GRM8: variants seen among roughly 807,000 people sequenced by gnomAD.
The protein encoded by GRM8 is glutamate metabotropic receptor 8, also known as metabotropic glutamate receptor 8.
A neutral mutation model predicts 87.2 loss-of-function variants in GRM8; 47 were observed. That is an observed-to-expected ratio of 0.54 (90% CI 0.43 to 0.69). GRM8 has a LOEUF of 0.69. GRM8 is among the 30% of genes least tolerant of loss of function. The pLI is 0.00. For synonymous variants in GRM8, 396 were observed against 404.5 expected (o/e 0.98, Z 0.25); for missense variants, 1,019 against 1,139.2 (o/e 0.89, Z 1.52).
intron 3 of GRM8, among the ~76,000 whole-genome samples, chr7:127,077,007 C>T (rs1563482597): frequency 6.6e-6 from 1 of 152,280 alleles, no homozygotes; most frequent in East Asian, 1.9e-4. Context: ...TCCAATCCTT[C>T]GACCACTACC....
At chr7:127,161,004 GGTTAT>G (rs1278315668) in intron 2 of GRM8, among the ~76,000 whole-genome samples, 1 of 152,162 alleles carries the variant, frequency 6.6e-6, no homozygotes, top group African/African-American at 2.4e-5. Context: ...CAAGGACGAT[GGTTAT>G]TTCTGGATGA....
chr7:126,539,562 C>A (rs1189515882), intron 8 of GRM8, among the ~76,000 whole-genome samples: 1 of 151,920 alleles, frequency 6.6e-6, no homozygotes, highest in Non-Finnish European at 1.5e-5. Flanking sequence ...ATGTCATAAT[C>A]AAGACAACAT....
chr7:126,557,752 T>C (rs1432123845), intron 8 of GRM8, among the ~76,000 whole-genome samples: 1 of 152,176 alleles, frequency 6.6e-6, no homozygotes, highest in Non-Finnish European at 1.5e-5. Context: ...AATAGAAATA[T>C]GGCAACATAT....
intron 2 of GRM8, among the ~76,000 whole-genome samples, chr7:127,163,280 T>C (rs1793231841): frequency 6.6e-6 from 1 of 152,158 alleles, no homozygotes; most frequent in Non-Finnish European, 1.5e-5. Flanking sequence ...TGGCTTCTTG[T>C]TGAGTTTAAT....
intron 9 of GRM8, among the ~76,000 whole-genome samples, chr7:126,472,508 C>G (rs1173625774): frequency 2.1e-4 from 32 of 152,162 alleles, no homozygotes; most frequent in Non-Finnish European, 8.8e-5. Flanking sequence ...CATTCATTCA[C>G]AAAGATATGG....
intron 8 of GRM8, among the ~76,000 whole-genome samples, chr7:126,586,845 T>C (rs1796183758): frequency 6.6e-6 from 1 of 151,958 alleles, no homozygotes; most frequent in Non-Finnish European, 1.5e-5. Flanking sequence ...CTAATTAAAC[T>C]AAAGGGCTTC....
Position 127,063,124 on chromosome 7 carries a change from G to A in GRM8, c.727+43372C>T, listed in dbSNP as rs185063927. ...AAAAATTAGCCAGACATGGTGGCAGGCACCTGTAGTCCTGGCTACTCAGGA... is the reference window on the plus strand; with the variant it reads ...AAAAATTAGCCAGACATGGTGGCAGACACCTGTAGTCCTGGCTACTCAGGA... On this transcript the variant is annotated intron_variant, in intron 3 of 10. Transcript: ENST00000339582. Among the ~76,000 whole-genome samples the A allele has an allele frequency of 3.0e-4, 45 of 152,182 alleles. No individual in the cohort carries two copies. The South Asian group carries it at 3.7e-3, about 13-fold the overall frequency.
chr7:126,782,924 A>G (rs954395103), intron 6 of GRM8, among the ~76,000 whole-genome samples: 3 of 152,172 alleles, frequency 2.0e-5, no homozygotes. Context: ...GCAGGTCGCA[A>G]TCTGTCTGGG....
At position 126,843,313 on chromosome 7, in the gene GRM8, G is replaced by GA. The variant is rs202058919; in HGVS notation, c.1156+59228dup. On this transcript the variant is annotated intron_variant, in intron 6 of 10. Coordinates refer to ENST00000339582, the MANE Select transcript of GRM8 (RefSeq NM_000845.3). Reference sequence around the variant, plus strand: ...ATAAACTAAAGGGGACTATAAAGTAGAAAAAAAAACTCATTATCACATATG... The same window carrying GA: ...ATAAACTAAAGGGGACTATAAAGTAGAAAAAAAAAACTCATTATCACATATG... Among the ~76,000 whole-genome samples, 614 of 150,372 alleles carry GA rather than the reference G, an allele frequency of 4.1e-3. 5 individuals are homozygous for GA. Among genetic ancestry groups the GA allele is most frequent in the African/African-American group, 0.013 (544 of 40,998 alleles).
chr7:127,178,117 G>C (rs1392197814), intron 2 of GRM8, among the ~76,000 whole-genome samples: 1 of 151,944 alleles, frequency 6.6e-6, no homozygotes, highest in Non-Finnish European at 1.5e-5. Context: ...AAGAACTGAA[G>C]GGAAAATTAT....
chr7:126,450,297 A>C (rs1468474209), intron 9 of GRM8, among the ~76,000 whole-genome samples: 2 of 151,862 alleles, frequency 1.3e-5, no homozygotes, highest in African/African-American at 4.8e-5. Context: ...TTAGTAACTA[A>C]GGTAAACTAT....
intron 6 of GRM8, among the ~76,000 whole-genome samples, chr7:126,874,073 AT>A (rs1195659106): frequency 7.2e-5 from 11 of 151,974 alleles, no homozygotes; most frequent in Non-Finnish European, 1.2e-4. Flanking sequence ...TTTAAATATC[AT>A]TTGTGTTGTC....
intron 8 of GRM8, among the ~76,000 whole-genome samples, chr7:126,582,988 C>A (rs941234419): frequency 2.0e-5 from 3 of 152,128 alleles, no homozygotes; most frequent in Non-Finnish European, 4.4e-5. Flanking sequence ...TGTTTTCATG[C>A]CTGAATATAC....
chr7:126,568,797 C>A (rs1794454358), intron 8 of GRM8, among the ~76,000 whole-genome samples: 1 of 152,006 alleles, frequency 6.6e-6, no homozygotes, highest in Admixed American at 6.6e-5. Context: ...GCTGCTAGAG[C>A]CTATTTGGTG....
chr7:127,086,366 C>G (rs1823502800), intron 3 of GRM8, among the ~76,000 whole-genome samples: 1 of 152,202 alleles, frequency 6.6e-6, no homozygotes, highest in Non-Finnish European at 1.5e-5. Flanking sequence ...TCCAAAAGTG[C>G]TGAGATTACA....
chr7:126,702,141 T>C (rs1434330168), intron 7 of GRM8, among the ~76,000 whole-genome samples: 1 of 152,224 alleles, frequency 6.6e-6, no homozygotes, highest in Non-Finnish European at 1.5e-5. Context: ...AAGTCCTGCA[T>C]AAGTGAGGAA....
chr7:126,917,100 C>G (rs1165371402), intron 3 of GRM8, among the ~76,000 whole-genome samples: 3 of 152,156 alleles, frequency 2.0e-5, no homozygotes, highest in African/African-American at 7.2e-5. Flanking sequence ...CCTGGCCTCC[C>G]AAGTAGCTAG....
intron 3 of GRM8, among the ~76,000 whole-genome samples, chr7:126,958,674 T>C (rs1378215446): frequency 1.3e-5 from 2 of 152,124 alleles, no homozygotes; most frequent in East Asian, 1.9e-4. Context: ...ACAGGCCCTG[T>C]GGGAGCAAGT....
chr7:126,846,386 A>G (rs2130660318), intron 6 of GRM8, among the ~76,000 whole-genome samples: 1 of 152,372 alleles, frequency 6.6e-6, no homozygotes, highest in South Asian at 2.1e-4. Context: ...TCCTCCACAA[A>G]ATAATCACAC....
Sources: allele counts gnomAD v4.1 joint callset (sites outside exome capture counted in the v4.1 genomes callset), GRCh38; gene constraint gnomAD v4.1.1; transcripts MANE v1.5; gene names NCBI Gene and HGNC (gene_info 2026-07-23, HGNC 2026-07-21).